Variants in NFASC observed in about 807,000 individuals in gnomAD.
NFASC encodes neurofascin.
Under a neutral mutation model 147.5 loss-of-function variants are expected in NFASC, and 43 were observed. The ratio of observed to expected loss-of-function variants is 0.29; its 90% CI spans 0.23 to 0.38. The LOEUF is 0.38. Ranked by LOEUF, NFASC falls within the 10% of genes least tolerant of loss-of-function variation. The pLI, the probability that NFASC is intolerant of heterozygous loss-of-function variation, is 1.00. For missense variants in NFASC, 1,320 were observed against 1,689.0 expected (o/e 0.78, Z 3.83); for synonymous variants, 622 against 665.5 (o/e 0.93, Z 1.01).
Position 204,903,906 on chromosome 1 carries a change from G to C in NFASC, c.-199-16726G>C, listed in dbSNP as rs150923278. Among the ~76,000 whole-genome samples, 491 of 152,220 alleles carry C rather than the reference G, an allele frequency of 3.2e-3. 13 individuals are homozygous for C. The highest frequency in any genetic ancestry group is 0.014 in the East Asian group (70 of 5,180). On this transcript the variant is annotated intron_variant, in intron 1 of 29. Transcript: ENST00000339876. ...TGCTTATCTTTTTATCTTTCACAGG[G>C]TTGTAGGGTGTTTGTTGAAATTTTG...
chr1:204,982,058 T>A, intron 21 of NFASC, 38 bp downstream of exon 21: 2 of 1,331,772 alleles, frequency 1.5e-6, no homozygotes, highest in Non-Finnish European at 2.0e-6. Context: ...TCAGGACCCT[T>A]GTGGCTAGGT....
intron 24 of NFASC, among the ~76,000 whole-genome samples, chr1:204,996,291 C>T (rs749390249): frequency 4.6e-5 from 7 of 152,272 alleles, no homozygotes; most frequent in South Asian, 2.1e-4. Flanking sequence ...GCCCAGCATG[C>T]GCCTCACTCT....
At chr1:205,000,847 C>CA (rs1394797504) in intron 25 of NFASC, 3 of 342,030 alleles carry the variant, frequency 8.8e-6, no homozygotes, top group African/African-American at 2.2e-5. Flanking sequence ...AAACAGAAAA[C>CA]AAAAAAACTC....
In NFASC at chr1:204,950,586, G is replaced by A. The variant is rs1306666772; in HGVS notation, c.109+12G>A. 6.8e-6 allele frequency: 11 copies of A among 1,612,058 alleles called. No homozygotes were observed. Among genetic ancestry groups the A allele is most frequent in the Non-Finnish European group, 9.3e-6 (11 of 1,179,024 alleles). Reference sequence around the variant, plus strand: ...CATTCAGAATGAGCGTAAGTGCCCTGTGTGCCTCTCTGTGCCTCTGGGAGT... The same window carrying A: ...CATTCAGAATGAGCGTAAGTGCCCTATGTGCCTCTCTGTGCCTCTGGGAGT... On this transcript the variant is annotated intron_variant, in intron 4 of 29. Coordinates refer to ENST00000339876, the MANE Select transcript of NFASC (RefSeq NM_001005388.3).
Position 204,973,391 on chromosome 1 carries a change from G to T in NFASC, c.1251G>T (p.Leu417=). Residue 417 remains leucine (L), a synonymous_variant, in exon 12 of 30, where the codon CTG becomes CTT. Coordinates refer to ENST00000339876, the MANE Select transcript of NFASC (RefSeq NM_001005388.3). Reference sequence around the variant, plus strand: ...ACACCTCCAACGAGCATGGCTACCTGCTGGCCAACGCCTTTGTCAGTGTGC... The same window carrying T: ...ACACCTCCAACGAGCATGGCTACCTTCTGGCCAACGCCTTTGTCAGTGTGC... The part of the protein sequence containing the change: ...QCNTSNEHGY[L]LANAFVSVLD... The T allele has an allele frequency of 6.2e-7, 1 of 1,614,254 alleles. No homozygotes were observed. Among genetic ancestry groups the T allele is most frequent in the Non-Finnish European group, 8.5e-7 (1 of 1,180,052 alleles).
intron 1 of NFASC, among the ~76,000 whole-genome samples, chr1:204,851,596 G>A (rs538595087): frequency 4.6e-5 from 7 of 152,158 alleles, no homozygotes; most frequent in African/African-American, 1.7e-4. Flanking sequence ...GCCTCCCAAA[G>A]CGCTGGAATT....
intron 1 of NFASC, among the ~76,000 whole-genome samples, chr1:204,868,673 C>CCGCA (rs1315853268): frequency 6.6e-6 from 1 of 152,166 alleles, no homozygotes; most frequent in African/African-American, 2.4e-5. Flanking sequence ...AGGAGAAAAG[C>CCGCA]CGCAGGAACT....
intron 23 of NFASC, chr1:204,989,063 C>T (rs2095668498): frequency 1.9e-6 from 1 of 538,458 alleles, no homozygotes; most frequent in East Asian, 3.2e-5. Flanking sequence ...CACTTGACAT[C>T]TATCATCTTT....
chr1:204,943,782 T>C (rs549021597), intron 2 of NFASC, among the ~76,000 whole-genome samples: 2 of 152,300 alleles, frequency 1.3e-5, no homozygotes, highest in South Asian at 4.1e-4. Flanking sequence ...TTGGTGCATT[T>C]CTTACCAGAT....
chr1:204,985,206 G>T (rs1327163850), intron 21 of NFASC, among the ~76,000 whole-genome samples: 1 of 152,142 alleles, frequency 6.6e-6, no homozygotes, highest in African/African-American at 2.4e-5. Context: ...CTTACCCACT[G>T]CTAATTAGAG....
intron 1 of NFASC, among the ~76,000 whole-genome samples, chr1:204,903,143 G>C (rs546908989): frequency 3.3e-5 from 5 of 152,272 alleles, no homozygotes; most frequent in African/African-American, 9.6e-5. Context: ...CACAAGTTTT[G>C]ACCAATTTTA....
intron 16 of NFASC, among the ~76,000 whole-genome samples, chr1:204,977,432 G>A (rs901066008): frequency 6.6e-6 from 1 of 152,230 alleles, no homozygotes; most frequent in African/African-American, 2.4e-5. Flanking sequence ...GTTGCAGAGA[G>A]GGTGGGCCCA....
intron 1 of NFASC, among the ~76,000 whole-genome samples, chr1:204,891,336 C>T (rs1274799962): frequency 6.6e-6 from 1 of 152,166 alleles, no homozygotes; most frequent in Admixed American, 6.5e-5. Flanking sequence ...TGGACTGTTG[C>T]TAGGGACAGT....
intron 24 of NFASC, among the ~76,000 whole-genome samples, chr1:204,994,053 C>T (rs978219018): frequency 3.3e-5 from 5 of 152,188 alleles, no homozygotes; most frequent in Non-Finnish European, 7.3e-5. Flanking sequence ...TGCCTTGGGA[C>T]AATAGACACA....
intron 8 of NFASC, among the ~76,000 whole-genome samples, chr1:204,964,676 G>A (rs2094852776): frequency 6.6e-6 from 1 of 152,192 alleles, no homozygotes; most frequent in Non-Finnish European, 1.5e-5. Context: ...CAAGAGAGGT[G>A]AATGAGATGC....
At chr1:204,835,408 T>G (rs1673451875) in intron 1 of NFASC, among the ~76,000 whole-genome samples, 1 of 151,790 alleles carries the variant, frequency 6.6e-6, no homozygotes, top group Non-Finnish European at 1.5e-5. Context: ...TTGTATTTTT[T>G]GTAGAGATGG....
chr1:204,852,645 C>A (rs935419043), intron 1 of NFASC, among the ~76,000 whole-genome samples: 23 of 152,246 alleles, frequency 1.5e-4, no homozygotes, highest in African/African-American at 5.5e-4. Context: ...TGGAGCCTTC[C>A]TGAGGCTCAG....
intron 1 of NFASC, among the ~76,000 whole-genome samples, chr1:204,833,318 A>G (rs888946152): frequency 2.6e-5 from 4 of 152,222 alleles, no homozygotes; most frequent in Non-Finnish European, 5.9e-5. Flanking sequence ...TTTACAGAAA[A>G]TGACAGATTC....
At chr1:205,009,191 T>G (rs539813792) in intron 27 of NFASC, 2 of 372,462 alleles carry the variant, frequency 5.4e-6, no homozygotes, top group Non-Finnish European at 1.0e-5. Context: ...GGAATCATAC[T>G]TCCATGGCCA....
Sources: gnomAD v4.1 joint callset for allele counts (sites outside exome capture counted in the v4.1 genomes callset) on GRCh38, gnomAD v4.1.1 for gene constraint, MANE v1.5 for transcripts, NCBI Gene and HGNC (gene_info 2026-07-23, HGNC 2026-07-21) for gene names.